Variants in PHACTR2 observed in about 807,000 individuals in gnomAD.
PHACTR2 encodes the protein phosphatase and actin regulator 2.
Under a neutral mutation model 76.0 loss-of-function variants are expected in PHACTR2, and 30 were observed. The ratio of observed to expected loss-of-function variants is 0.39; its 90% CI spans 0.30 to 0.54. The LOEUF is 0.54. Among genes scored for constraint, PHACTR2 ranks in the 20% least tolerant of loss-of-function variants. The probability of loss-of-function intolerance (pLI) is 0.61; values close to 1 mark genes in which losing one functional copy is unlikely to be tolerated. For missense variants in PHACTR2, 696 were observed against 781.1 expected (o/e 0.89, Z 1.30); for synonymous variants, 292 against 292.5 (o/e 1.00, Z 0.02).
At chr6:143,673,271 C>G (rs1777188175), upstream of PHACTR2, among the ~76,000 whole-genome samples, 1 of 152,048 alleles carries the variant, frequency 6.6e-6, no homozygotes, top group South Asian at 2.1e-4. Flanking sequence ...ACTCGATATT[C>G]TCTTGCTATG....
rs964223808 is a variant in PHACTR2, at chr6:143,550,033, G to A, written c.217+12826G>A. Among the ~76,000 whole-genome samples the A allele has an allele frequency of 6.6e-6, 1 of 151,986 alleles. No homozygotes were observed. The highest frequency in any genetic ancestry group is 2.4e-5 in the African/African-American group (1 of 41,394). On this transcript the variant is annotated intron_variant, in intron 1 of 11. Transcript: ENST00000367584. The surrounding 1 kb of genome is among the most constrained non-coding windows in gnomAD (Gnocchi z 4.8). ...ACCATTTTTTGCTAGGTGGGAGTTG[G>A]AGTGATATCCCAATGCATCAGTGGA...
chr6:143,561,013 T>A lies in PHACTR2; in HGVS notation c.217+23806T>A, dbSNP rs1468850229. ...AGCAAGGACTCTGGGGGGCTTTAAG[T>A]AATAAACTGGCCAGACTCCTGAAGC... On this transcript the variant is annotated intron_variant, in intron 1 of 11. Coordinates refer to the PHACTR2 transcript ENST00000367584. This position sits in a 1 kb window ranked among gnomAD's most constrained non-coding sequence, Gnocchi z 4.1. 6.6e-6 allele frequency among the ~76,000 whole-genome samples: 1 copy of A among 151,412 alleles called. No homozygotes were observed. Among genetic ancestry groups the A allele is most frequent in the African/African-American group, 2.4e-5 (1 of 41,162 alleles).
In PHACTR2 at chr6:143,647,284, A is replaced by C. The variant is rs1776676034; in HGVS notation, c.13+38962A>C. 6.6e-6 allele frequency among the ~76,000 whole-genome samples: 1 copy of C among 152,250 alleles called. No homozygotes were observed. The highest frequency in any genetic ancestry group is 1.9e-4 in the East Asian group (1 of 5,206). ...GAAACCAAGACTCTGAAAGCTAAAA[A>C]GCTTGCTAAAGTCACGTGGCTAATG... On this transcript the variant is annotated intron_variant, in intron 1 of 11. Transcript: ENST00000305766. This position sits in a 1 kb window ranked among gnomAD's most constrained non-coding sequence, Gnocchi z 4.2.
intron 1 of PHACTR2, among the ~76,000 whole-genome samples, chr6:143,572,800 G>C (rs113927583): frequency 0.33 from 49,927 of 152,032 alleles, 8,936 homozygotes; most frequent in Non-Finnish European, 0.4. Flanking sequence ...CAATCCACCT[G>C]CCTCTGCCTC....
intron 1 of PHACTR2, among the ~76,000 whole-genome samples, chr6:143,594,118 T>G (rs1775722877): frequency 2.0e-5 from 3 of 152,236 alleles, no homozygotes; most frequent in Admixed American, 2.0e-4. Context: ...TGGTTCAATA[T>G]ATACAAACTT....
chr6:143,626,992 C>G (rs1256976288), intron 1 of PHACTR2, among the ~76,000 whole-genome samples: 1 of 152,206 alleles, frequency 6.6e-6, no homozygotes, highest in Non-Finnish European at 1.5e-5. Context: ...ATTATTAGTG[C>G]TTTCCTTTGC....
rs770976447 is a variant in PHACTR2 at position 143,738,415 on chromosome 6, A to G, written c.215-10570A>G. On this transcript the variant is annotated intron_variant, in intron 2 of 12. Coordinates refer to ENST00000440869, the MANE Select transcript of PHACTR2 (RefSeq NM_001100164.2). The surrounding 1 kb of genome is among the most constrained non-coding windows in gnomAD (Gnocchi z 4.0). ...ACCCCCCTGAAAAGATCAACCTAAA[A>G]TATAAAGAATTTCAGCCACCTTTAC... 7.9e-5 allele frequency among the ~76,000 whole-genome samples: 12 copies of G among 152,062 alleles called. No individual in the cohort carries two copies. The highest frequency in any genetic ancestry group is 2.1e-4 in the South Asian group (1 of 4,818).
At chr6:143,620,852 G>A (rs1776141620) in intron 1 of PHACTR2, among the ~76,000 whole-genome samples, 1 of 152,218 alleles carries the variant, frequency 6.6e-6, no homozygotes. Flanking sequence ...GGCCTCAAAG[G>A]CTGTCTCACT....
intron 1 of PHACTR2, among the ~76,000 whole-genome samples, chr6:143,699,323 C>T (rs912212803): frequency 6.6e-6 from 1 of 152,160 alleles, no homozygotes; most frequent in African/African-American, 2.4e-5. Flanking sequence ...TCCTTCTCCT[C>T]AGCCCATGAA....
Position 143,585,586 on chromosome 6 carries a change from G to A in PHACTR2, c.217+48379G>A, listed in dbSNP as rs1775621466. On this transcript the variant is annotated intron_variant, in intron 1 of 11. Transcript: ENST00000367584. The surrounding 1 kb of genome is among the most constrained non-coding windows in gnomAD (Gnocchi z 5.2). ...TCAGGGAACATACTGGAGTCTGATG[G>A]TGTCATCTTGGGAACACTGTGTTCT... is the stretch of plus-strand genomic sequence containing the variant. 6.6e-6 allele frequency among the ~76,000 whole-genome samples: 1 copy of A among 152,138 alleles called. No homozygotes were observed. Among genetic ancestry groups the A allele is most frequent in the Non-Finnish European group, 1.5e-5 (1 of 68,026 alleles).
At chr6:143,629,766 G>T (rs1419078981) in intron 1 of PHACTR2, among the ~76,000 whole-genome samples, 1 of 152,064 alleles carries the variant, frequency 6.6e-6, no homozygotes, top group Non-Finnish European at 1.5e-5. Flanking sequence ...AGAGCAGTGC[G>T]CTCTTCCATG....
intron 9 of PHACTR2, among the ~76,000 whole-genome samples, chr6:143,781,649 G>A (rs1392764394): frequency 1.3e-5 from 2 of 152,110 alleles, no homozygotes; most frequent in African/African-American, 2.4e-5. Flanking sequence ...CCACAGTGTG[G>A]CATTTGTTTA....
rs1776696896 is a variant in PHACTR2, at chr6:143,648,459, G to A, written c.13+40137G>A. 6.6e-6 allele frequency among the ~76,000 whole-genome samples: 1 copy of A among 152,152 alleles called. No individual in the cohort carries two copies. Among genetic ancestry groups the A allele is most frequent in the African/African-American group, 2.4e-5 (1 of 41,424 alleles). On this transcript the variant is annotated intron_variant, in intron 1 of 11. Coordinates refer to the PHACTR2 transcript ENST00000305766. The surrounding 1 kb of genome is among the most constrained non-coding windows in gnomAD (Gnocchi z 6.7). ...CTGCACTGGGAGTCCCTGGGAGGGG[G>A]GGACGAGGAGGAACAGACCAAACAA...
At position 143,547,761 on chromosome 6, in the gene PHACTR2, C is replaced by T. The variant is rs1483976343; in HGVS notation, c.217+10554C>T. ...GGAAGGAGAGTGTGGCTTCATGATA[C>T]CTTGCGGCCAGGAACTGATACATTG... On this transcript the variant is annotated intron_variant, in intron 1 of 11. Transcript: ENST00000367584. The surrounding 1 kb of genome is among the most constrained non-coding windows in gnomAD (Gnocchi z 4.2). 6.6e-6 allele frequency among the ~76,000 whole-genome samples: 1 copy of T among 152,180 alleles called. No individual in the cohort carries two copies. Among genetic ancestry groups the T allele is most frequent in the South Asian group, 2.1e-4 (1 of 4,830 alleles).
Position 143,820,132 on chromosome 6 carries a change from C to T in PHACTR2, c.1923-3542C>T, listed in dbSNP as rs943181720. 6.6e-6 allele frequency among the ~76,000 whole-genome samples: 1 copy of T among 152,152 alleles called. No homozygotes were observed. Among genetic ancestry groups the T allele is most frequent in the Non-Finnish European group, 1.5e-5 (1 of 68,024 alleles). On this transcript the variant is annotated intron_variant, in intron 12 of 12. Coordinates refer to ENST00000440869, the MANE Select transcript of PHACTR2 (RefSeq NM_001100164.2). The surrounding 1 kb of genome is among the most constrained non-coding windows in gnomAD (Gnocchi z 4.2). ...GCCATAGGGATCCACCCCCAGGACC[C>T]AAACACCTCCCAGCCCCACCTCCAG... is the stretch of plus-strand genomic sequence containing the variant.
intron 1 of PHACTR2, among the ~76,000 whole-genome samples, chr6:143,655,157 C>CAAAAAAAAAAAAAAAAA (rs151076366): frequency 1.0e-5 from 1 of 99,094 alleles, no homozygotes; most frequent in African/African-American, 4.0e-5. Context: ...AACTCCGTCT[C>CAAAAAAAAAAAAAAAAA]AAAAAAAAAA....
rs1777892624 is a variant in PHACTR2 at position 143,700,805 on chromosome 6, A to G, written c.47-11211A>G. Reference sequence around the variant, plus strand: ...CACAGCACACACTCTACACACCATGACCTGCTCCACTTCAGACTCCGGGAG... The same window carrying G: ...CACAGCACACACTCTACACACCATGGCCTGCTCCACTTCAGACTCCGGGAG... On this transcript the variant is annotated intron_variant, in intron 1 of 12. Coordinates refer to ENST00000440869, the MANE Select transcript of PHACTR2 (RefSeq NM_001100164.2). The surrounding 1 kb of genome is among the most constrained non-coding windows in gnomAD (Gnocchi z 4.1). 6.6e-6 allele frequency among the ~76,000 whole-genome samples: 1 copy of G among 152,178 alleles called. No individual in the cohort carries two copies. Among genetic ancestry groups the G allele is most frequent in the Non-Finnish European group, 1.5e-5 (1 of 68,034 alleles).
rs1307943962 is a variant in PHACTR2 at position 143,823,792 on chromosome 6, G to A, written c.*103G>A. 2.6e-5 allele frequency: 25 copies of A among 978,778 alleles called. No individual in the cohort carries two copies. The highest frequency in any genetic ancestry group is 3.0e-5 in the Non-Finnish European group (18 of 609,730). 60.6% of individuals were successfully genotyped at this position (978,778 alleles called of 1,614,324 possible). A position where few individuals can be genotyped will look rare whatever the true frequency, so the allele number is the denominator to read the frequency against. On this transcript the variant is annotated 3_prime_UTR_variant, in exon 13 of 13. Transcript: ENST00000440869. The surrounding 1 kb of genome is among the most constrained non-coding windows in gnomAD (Gnocchi z 5.7). ...CTGGGATTTGAATGTGTGTGTTTCCGTTTAACTTGTGGTGAAGGAAGTGTG... is the reference window on the plus strand; with the variant it reads ...CTGGGATTTGAATGTGTGTGTTTCCATTTAACTTGTGGTGAAGGAAGTGTG...
rs564463696 is a variant in PHACTR2, at chr6:143,761,785, A to G, written c.694+1145A>G. The stretch of plus-strand genomic sequence containing the variant: ...AAAAAATCTATTTTCCTTAAAATCA[A>G]CAGCAACTTTCTAGCAGTTGACTGT... On this transcript the variant is annotated intron_variant, in intron 5 of 12. Coordinates refer to ENST00000440869, the MANE Select transcript of PHACTR2 (RefSeq NM_001100164.2). This position sits in a 1 kb window ranked among gnomAD's most constrained non-coding sequence, Gnocchi z 5.2. Among the ~76,000 whole-genome samples the G allele has an allele frequency of 6.6e-5, 10 of 152,276 alleles. No homozygotes were observed. The highest frequency in any genetic ancestry group is 2.1e-4 in the South Asian group (1 of 4,826).
Sources: allele counts gnomAD v4.1 joint callset (sites outside exome capture counted in the v4.1 genomes callset), GRCh38; gene constraint gnomAD v4.1.1; non-coding constraint Gnocchi (gnomAD v3.1); transcripts MANE v1.5; gene names NCBI Gene and HGNC (gene_info 2026-07-23, HGNC 2026-07-21).